Variants in ALG14 observed in about 807,000 individuals in gnomAD.
ALG14 encodes UDP-N-acetylglucosamine transferase subunit ALG14.
In ALG14, 17 loss-of-function variants were observed where a neutral mutation model predicts 22.8. The observed-to-expected ratio is 0.75, with a 90% CI of 0.51 to 1.12. ALG14 has a LOEUF of 1.12. ALG14 is among the 50% of genes most tolerant of loss of function. The pLI is 0.00. For synonymous variants in ALG14, 89 were observed against 103.7 expected (o/e 0.86, Z 0.86); for missense variants, 288 against 271.8 (o/e 1.06, Z -0.42).
rs1474764843 is a variant in ALG14, at chr1:94,982,124, T to TG, written c.*951_*952insC. 5 of 150,450 alleles carry TG rather than the reference T, an allele frequency of 3.3e-5. No homozygotes were observed. Among genetic ancestry groups the TG allele is most frequent in the South Asian group, 2.1e-4 (1 of 4,732 alleles). The allele number at this position is 150,450 out of a possible 1,614,324, so 9.3% of individuals were successfully genotyped here. A position where few individuals can be genotyped will look rare whatever the true frequency, so the allele number is the denominator to read the frequency against. Reference sequence around the variant, plus strand: ...GTCCCTACATCATTGAGTTTTGTTTTTTTTTTTTTTTTTTGAGACGAAGTT... The same window carrying TG: ...GTCCCTACATCATTGAGTTTTGTTTTGTTTTTTTTTTTTTTGAGACGAAGTT... On this transcript the variant is annotated 3_prime_UTR_variant, in exon 4 of 4. Coordinates refer to ENST00000370205, the MANE Select transcript of ALG14 (RefSeq NM_144988.4).
intron 3 of ALG14, among the ~76,000 whole-genome samples, chr1:95,021,870 TTTTCA>T (rs1219135535): frequency 3.3e-5 from 5 of 152,228 alleles, no homozygotes; most frequent in African/African-American, 7.2e-5. Flanking sequence ...ACTGAATTCC[TTTTCA>T]TTCAACTTTC....
chr1:94,985,251 T>A (rs1251418805), intron 3 of ALG14, among the ~76,000 whole-genome samples: 2 of 152,190 alleles, frequency 1.3e-5, no homozygotes, highest in Non-Finnish European at 2.9e-5. Flanking sequence ...GCTCTGAATC[T>A]TTTCAATGTT....
chr1:95,028,637 G>A (rs1175643477), intron 2 of ALG14, among the ~76,000 whole-genome samples: 1 of 151,850 alleles, frequency 6.6e-6, no homozygotes, highest in Non-Finnish European at 1.5e-5. Context: ...GGCCAACATG[G>A]TGAAACCCCA....
intron 3 of ALG14, among the ~76,000 whole-genome samples, chr1:95,000,200 T>C (rs764335721): frequency 3.3e-5 from 5 of 152,124 alleles, no homozygotes; most frequent in Non-Finnish European, 1.5e-5. Context: ...CTGCATAATA[T>C]TGTTCCAGTT....
intron 3 of ALG14, among the ~76,000 whole-genome samples, chr1:94,989,738 T>C (rs927602945): frequency 1.3e-5 from 2 of 152,222 alleles, no homozygotes; most frequent in African/African-American, 4.8e-5. Flanking sequence ...TGTCCCTCTA[T>C]ATTTTCTAAG....
In ALG14 at chr1:94,975,499, A is replaced by T. The variant is rs1438678857; in HGVS notation, c.*7577T>A. 1 of 152,226 alleles carries T rather than the reference A, an allele frequency of 6.6e-6. No individual in the cohort carries two copies. Among genetic ancestry groups the T allele is most frequent in the East Asian group, 1.9e-4 (1 of 5,192 alleles). 9.4% of individuals were successfully genotyped at this position (152,226 alleles called of 1,614,324 possible). A position where few individuals can be genotyped will look rare whatever the true frequency, so the allele number is the denominator to read the frequency against. ...ACATGTTTTTAATTCTCCAGGGTAT[A>T]CACCTATGGGTAGAATTTCTGGGTC... is the stretch of plus-strand genomic sequence containing the variant. On this transcript the variant is annotated 3_prime_UTR_variant, in exon 4 of 4. Transcript: ENST00000370205.
chr1:94,978,834 C>A lies in ALG14; in HGVS notation c.*4242G>T, dbSNP rs899555710. The A allele has an allele frequency of 4.2e-5, 5 of 119,738 alleles. No homozygotes were observed. The highest frequency in any genetic ancestry group is 3.0e-4 in the South Asian group (1 of 3,342). The allele number at this position is 119,738 out of a possible 1,614,324, so 7.4% of individuals were successfully genotyped here. On this transcript the variant is annotated 3_prime_UTR_variant, in exon 4 of 4. Coordinates refer to ENST00000370205, the MANE Select transcript of ALG14 (RefSeq NM_144988.4). ...TTATTTCCTTTTGAGGACATTTTTT[C>A]TTTTTTCTTTAAAAAAAAAAAAAAA...
At chr1:95,002,248 G>C (rs180983310) in intron 3 of ALG14, among the ~76,000 whole-genome samples, 9 of 152,238 alleles carry the variant, frequency 5.9e-5, no homozygotes, top group Admixed American at 1.3e-4. Context: ...AGTACCTGGG[G>C]GGGGGAACCT....
At chr1:95,063,665 C>T (rs139379767) in intron 2 of ALG14, among the ~76,000 whole-genome samples, 14 of 152,220 alleles carry the variant, frequency 9.2e-5, no homozygotes, top group African/African-American at 2.2e-4. Context: ...ACAAGTATCA[C>T]GCTGTTTTGG....
At position 95,072,665 on chromosome 1, in the gene ALG14, T is replaced by TC. The variant is rs1675607659; in HGVS notation, c.136+97dup. 2.0e-6 allele frequency: 3 copies of TC among 1,507,464 alleles called. No individual in the cohort carries two copies. The East Asian group carries it at 6.9e-5, about 34-fold the overall frequency. 93.4% of individuals were successfully genotyped at this position (1,507,464 alleles called of 1,614,324 possible). A position where few individuals can be genotyped will look rare whatever the true frequency, so the allele number is the denominator to read the frequency against. On this transcript the variant is annotated intron_variant, in intron 1 of 3. Coordinates refer to ENST00000370205, the MANE Select transcript of ALG14 (RefSeq NM_144988.4). ...AACTACAAATCTCTGCATGCAACAC[T>TC]CCAAGAAGTGCTAAGGGTACCAGGG...
chr1:95,048,631 C>T (rs988933545), intron 2 of ALG14, among the ~76,000 whole-genome samples: 1 of 152,112 alleles, frequency 6.6e-6, no homozygotes, highest in African/African-American at 2.4e-5. Context: ...TCATAGGGCT[C>T]TGGTAATTGG....
At chr1:94,994,379 G>C (rs542660536) in intron 3 of ALG14, among the ~76,000 whole-genome samples, 1 of 152,334 alleles carries the variant, frequency 6.6e-6, no homozygotes, top group Admixed American at 6.5e-5. Flanking sequence ...CAGACAGCTA[G>C]AGCTAGATGA....
At chr1:95,040,397 G>A (rs1674342264) in intron 2 of ALG14, among the ~76,000 whole-genome samples, 1 of 152,104 alleles carries the variant, frequency 6.6e-6, no homozygotes, top group African/African-American at 2.4e-5. Flanking sequence ...GGACAAGGGA[G>A]TATCCCTCGG....
In ALG14 at chr1:94,992,408, G is replaced by A. The variant is rs373282119; in HGVS notation, c.421-9102C>T. On this transcript the variant is annotated intron_variant, in intron 3 of 3. Transcript: ENST00000370205. Reference sequence around the variant, plus strand: ...AGAAGACAAAGACTTTCCTGAGGAGGTGACTTACTTACAAGCAAGTATCTG... The same window carrying A: ...AGAAGACAAAGACTTTCCTGAGGAGATGACTTACTTACAAGCAAGTATCTG... Among the ~76,000 whole-genome samples, 53 of 152,294 alleles carry A rather than the reference G, an allele frequency of 3.5e-4. 1 individual carries two copies. The South Asian group carries it at 0.01, about 30-fold the overall frequency.
intron 3 of ALG14, among the ~76,000 whole-genome samples, chr1:95,015,515 G>A (rs1296982236): frequency 6.6e-6 from 1 of 152,226 alleles, no homozygotes; most frequent in African/African-American, 2.4e-5. Context: ...GAGTAAAGGT[G>A]CAAGACAAAA....
rs374376710 is a variant in ALG14 at position 95,027,143 on chromosome 1, C to T, written c.406G>A (p.Val136Met). 115 of 1,614,050 alleles carry T rather than the reference C, an allele frequency of 7.1e-5. 1 individual carries two copies. The South Asian group carries it at 7.6e-4, about 11-fold the overall frequency. Residue 136 changes from valine (V) to methionine (M), a missense_variant, in exon 3 of 4, where the codon GTG (valine) becomes ATG (methionine). Val to Met is a conservative substitution (Grantham distance 21). Coordinates refer to ENST00000370205, the MANE Select transcript of ALG14 (RefSeq NM_144988.4). Reference sequence around the variant, plus strand: ...GTCTTACTTACCAAATCTGGCTTCACCCTGTGAATTAGGGGAAAGGAGAGC... The same window carrying T: ...GTCTTACTTACCAAATCTGGCTTCATCCTGTGAATTAGGGGAAAGGAGAGC... ...MWLSFPLIHR[V>M]KPDLVLCNGP...
At chr1:95,059,333 G>C (rs1675051028) in intron 2 of ALG14, among the ~76,000 whole-genome samples, 1 of 149,392 alleles carries the variant, frequency 6.7e-6, no homozygotes. Flanking sequence ...GGGCGTTGGA[G>C]GTTGCAGTGA....
At chr1:95,063,075 T>A (rs187145528) in intron 2 of ALG14, among the ~76,000 whole-genome samples, 1 of 152,232 alleles carries the variant, frequency 6.6e-6, no homozygotes, top group African/African-American at 2.4e-5. Context: ...CTTTCATATG[T>A]TTGTTGGCTG....
At chr1:95,019,565 G>C (rs1164205353) in intron 3 of ALG14, among the ~76,000 whole-genome samples, 4 of 152,178 alleles carry the variant, frequency 2.6e-5, no homozygotes, top group Non-Finnish European at 5.9e-5. Flanking sequence ...GGGAAAATCA[G>C]TTAACCCTTT....
Sources: allele counts gnomAD v4.1 joint callset (sites outside exome capture counted in the v4.1 genomes callset), GRCh38; gene constraint gnomAD v4.1.1; transcripts MANE v1.5; gene names NCBI Gene and HGNC (gene_info 2026-07-23, HGNC 2026-07-21).